The following HORMAD2 variants were observed in gnomAD, a reference collection of about 807,000 sequenced individuals.
The protein encoded by HORMAD2 is HORMA domain-containing protein 2.
A neutral mutation model predicts 38.8 loss-of-function variants in HORMAD2; 45 were observed. The observed-to-expected ratio is 1.16, with a 90% CI of 0.91 to 1.49. The LOEUF is 1.49. HORMAD2 is among the 40% of genes most tolerant of loss of function. The pLI is 0.00. For synonymous variants in HORMAD2, 126 were observed against 122.8 expected (o/e 1.03, Z -0.17); for missense variants, 338 against 367.0 (o/e 0.92, Z 0.65).
At chr22:30,194,949 T>C in the HORMAD2 span, among the ~76,000 whole-genome samples, 17 of 151,998 alleles carry the variant, frequency 1.1e-4, no homozygotes, top group East Asian at 3.3e-3. Context: ...TCCCAGCACT[T>C]TGGGAGGCCG....
At chr22:30,163,737 CTTTTAT>C (rs944797273) in intron 10 of HORMAD2, among the ~76,000 whole-genome samples, 27 of 152,126 alleles carry the variant, frequency 1.8e-4, no homozygotes, top group African/African-American at 2.6e-4. Context: ...CATGTGCTGA[CTTTTAT>C]TTTTATTTTT....
chr22:30,157,494 A>C (rs2146209122), intron 10 of HORMAD2, among the ~76,000 whole-genome samples: 1 of 151,290 alleles, frequency 6.6e-6, no homozygotes, highest in South Asian at 2.1e-4. Flanking sequence ...TGGTGATGGA[A>C]CCCAGCCCCC....
At chr22:30,100,028 C>A (rs1920932210) in intron 3 of HORMAD2, among the ~76,000 whole-genome samples, 1 of 152,158 alleles carries the variant, frequency 6.6e-6, no homozygotes, top group African/African-American at 2.4e-5. Context: ...ATTATAGATT[C>A]AATGTTATTC....
the HORMAD2 span, among the ~76,000 whole-genome samples, chr22:30,201,891 A>G: frequency 0.22 from 34,144 of 152,148 alleles, 4,740 homozygotes; most frequent in Middle Eastern, 0.39. Context: ...AGGATCTTGC[A>G]TCTGCGTGAT....
chr22:30,165,225 G>T (rs1041226040), intron 10 of HORMAD2, among the ~76,000 whole-genome samples: 1 of 152,110 alleles, frequency 6.6e-6, no homozygotes, highest in Non-Finnish European at 1.5e-5. Context: ...ATACATGAGG[G>T]TTTATTTCTG....
upstream of HORMAD2, chr22:30,079,993 C>G (rs7292182): frequency 0.01 from 1,564 of 152,010 alleles, 25 homozygotes; most frequent in African/African-American, 0.036. Context: ...GGGCCTTCTT[C>G]TAACTCGGGT....
At chr22:30,126,187 G>A (rs1276063167) in intron 10 of HORMAD2, among the ~76,000 whole-genome samples, 2 of 150,150 alleles carry the variant, frequency 1.3e-5, no homozygotes, top group African/African-American at 4.9e-5. Context: ...TTTTTGAGAC[G>A]GAGTCTCCCA....
chr22:30,152,135 A>G (rs1384389903), intron 10 of HORMAD2, among the ~76,000 whole-genome samples: 1 of 152,072 alleles, frequency 6.6e-6, no homozygotes, highest in East Asian at 1.9e-4. Context: ...CAAAATAAAC[A>G]ATGACTTCCT....
chr22:30,101,978 GGAT>G (rs1920949638), intron 3 of HORMAD2, among the ~76,000 whole-genome samples: 11 of 152,084 alleles, frequency 7.2e-5, no homozygotes, highest in African/African-American at 2.7e-4. Flanking sequence ...TGAGGTGGGA[GGAT>G]CATCTGAGCC....
chr22:30,179,261 A>G (rs1926604108), downstream of HORMAD2, among the ~76,000 whole-genome samples: 1 of 152,222 alleles, frequency 6.6e-6, no homozygotes, highest in African/African-American at 2.4e-5. Context: ...CACACTATGC[A>G]TGTAAGAGTT....
At chr22:30,192,891 C>T in the HORMAD2 span, among the ~76,000 whole-genome samples, 1 of 152,124 alleles carries the variant, frequency 6.6e-6, no homozygotes, top group African/African-American at 2.4e-5. Flanking sequence ...TATAACAGGG[C>T]TTGATGTTTG....
At chr22:30,151,567 A>G (rs1924751878) in intron 10 of HORMAD2, among the ~76,000 whole-genome samples, 1 of 152,210 alleles carries the variant, frequency 6.6e-6, no homozygotes, top group Admixed American at 6.5e-5. Context: ...GAATTTAAGT[A>G]TAAATGGCCT....
At chr22:30,170,868 T>C in intron 10 of HORMAD2, among the ~76,000 whole-genome samples, 1 of 152,200 alleles carries the variant, frequency 6.6e-6, no homozygotes, top group East Asian at 1.9e-4. Flanking sequence ...AGGTGACTTC[T>C]ACCCTCACCA....
intron 5 of HORMAD2, among the ~76,000 whole-genome samples, chr22:30,109,807 T>C (rs1199802080): frequency 1.3e-5 from 2 of 152,232 alleles, no homozygotes; most frequent in Non-Finnish European, 2.9e-5. Context: ...TGGGACACTT[T>C]TTGAGGTACT....
chr22:30,131,600 A>G (rs1474574503), intron 10 of HORMAD2, among the ~76,000 whole-genome samples: 2 of 152,144 alleles, frequency 1.3e-5, no homozygotes, highest in African/African-American at 4.8e-5. Context: ...CTGTTTTCTT[A>G]TAAGAGCCAC....
chr22:30,084,875 G>T (rs987720885), intron 1 of HORMAD2, among the ~76,000 whole-genome samples: 9 of 152,132 alleles, frequency 5.9e-5, no homozygotes, highest in Non-Finnish European at 1.0e-4. Flanking sequence ...GCCAGGCGTG[G>T]TGGCTCACGC....
chr22:30,092,977 T>C (rs537023770), intron 1 of HORMAD2, among the ~76,000 whole-genome samples: 1 of 152,358 alleles, frequency 6.6e-6, no homozygotes, highest in South Asian at 2.1e-4. Context: ...TCAGAGTCTT[T>C]TGTGGTTCCA....
intron 10 of HORMAD2, among the ~76,000 whole-genome samples, chr22:30,147,658 A>C (rs562838112): frequency 6.6e-6 from 1 of 152,298 alleles, no homozygotes; most frequent in South Asian, 2.1e-4. Flanking sequence ...TTATTAAGAA[A>C]ATGAAAAGGC....
At chr22:30,174,051 G>T (rs1362226700) in intron 10 of HORMAD2, among the ~76,000 whole-genome samples, 1 of 152,118 alleles carries the variant, frequency 6.6e-6, no homozygotes, top group Non-Finnish European at 1.5e-5. Context: ...TATCTTCAGG[G>T]CTTTTTTCAG....
Sources: gnomAD v4.1 joint callset for allele counts (sites outside exome capture counted in the v4.1 genomes callset) on GRCh38, gnomAD v4.1.1 for gene constraint, MANE v1.5 for transcripts, NCBI Gene and HGNC (gene_info 2026-07-23, HGNC 2026-07-21) for gene names.